IL1RAPL2: variants seen among roughly 807,000 people sequenced by gnomAD.
The protein encoded by IL1RAPL2 is interleukin 1 receptor accessory protein like 2, also known as X-linked interleukin-1 receptor accessory protein-like 2.
Under a neutral mutation model 44.1 loss-of-function variants are expected in IL1RAPL2, and 3 were observed. That is an observed-to-expected ratio of 0.07 (90% CI 0.03 to 0.18). The LOEUF is 0.18. Ranked by LOEUF, IL1RAPL2 falls within the 10% of genes least tolerant of loss-of-function variation. The probability of loss-of-function intolerance (pLI) is 1.00; values close to 1 mark genes in which losing one functional copy is unlikely to be tolerated. For synonymous variants in IL1RAPL2, 181 were observed against 178.8 expected, an observed-to-expected ratio of 1.01 and a Z score of -0.10; for missense variants, 391 against 496.4, an observed-to-expected ratio of 0.79 and a Z score of 2.02.
At chrX:105,267,921 T>A (rs1361261024) in intron 5 of IL1RAPL2, among the ~76,000 whole-genome samples, 1 of 111,781 alleles carries the variant, frequency 8.9e-6, no homozygotes, top group African/African-American at 3.2e-5. Flanking sequence ...TCTGTTAGAT[T>A]TTTGGAATGA....
intron 2 of IL1RAPL2, among the ~76,000 whole-genome samples, chrX:105,086,704 ATGTGTGTGTG>A (rs10536420): frequency 9.6e-6 from 1 of 104,313 alleles, no homozygotes; most frequent in South Asian, 4.3e-4. Flanking sequence ...TTGTATATAT[ATGTGTGTGTG>A]TGTGTGTGTG....
In IL1RAPL2 at chrX:104,963,503, G is replaced by T. The variant is rs886972407; in HGVS notation, c.83-231972G>T. 8.1e-5 allele frequency among the ~76,000 whole-genome samples: 9 copies of T among 111,636 alleles called. No individual in the cohort carries two copies. The East Asian group carries it at 2.5e-3, about 31-fold the overall frequency. The stretch of plus-strand genomic sequence containing the variant: ...GGCATTTCTCATTGACATTAATAGG[G>T]TCAATATCCTCACCTGTCACCACAA... On this transcript the variant is annotated intron_variant, in intron 2 of 10. Transcript: ENST00000372582.
chrX:105,743,110 A>G (rs180848473), intron 8 of IL1RAPL2, among the ~76,000 whole-genome samples: 1 of 111,602 alleles, frequency 9.0e-6, no homozygotes, highest in Non-Finnish European at 1.9e-5. Context: ...GATCATGGTA[A>G]CAGCCTAACT....
chrX:105,360,099 T>C (rs2035236840), intron 5 of IL1RAPL2, among the ~76,000 whole-genome samples: 1 of 111,148 alleles, frequency 9.0e-6, no homozygotes, highest in Non-Finnish European at 1.9e-5. Flanking sequence ...GCTATTACTA[T>C]ACTTAACTAT....
intron 6 of IL1RAPL2, among the ~76,000 whole-genome samples, chrX:105,711,880 CTG>C (rs1299216508): frequency 1.8e-5 from 2 of 112,206 alleles, no homozygotes; most frequent in Admixed American, 1.9e-4. Context: ...AATCTTAAAA[CTG>C]GAGAATAATT....
intron 2 of IL1RAPL2, among the ~76,000 whole-genome samples, chrX:104,826,936 T>G (rs1281601995): frequency 1.2e-5 from 1 of 82,740 alleles, no homozygotes; most frequent in Non-Finnish European, 2.4e-5. Context: ...TTGCAACCCC[T>G]GCTTTTTTTT....
chrX:105,016,525 G>C (rs931377723), intron 2 of IL1RAPL2, among the ~76,000 whole-genome samples: 1 of 111,141 alleles, frequency 9.0e-6, no homozygotes, highest in Admixed American at 9.6e-5. Context: ...TAGCATGAAG[G>C]GCTGTTGAAT....
chrX:105,117,946 G>A (rs1172051642), intron 2 of IL1RAPL2, among the ~76,000 whole-genome samples: 2 of 111,660 alleles, frequency 1.8e-5, no homozygotes, highest in East Asian at 5.6e-4. Flanking sequence ...ATATCATTTA[G>A]GTACATGAAG....
intron 2 of IL1RAPL2, among the ~76,000 whole-genome samples, chrX:104,666,997 C>A (rs1930497339): frequency 9.0e-6 from 1 of 111,289 alleles, no homozygotes; most frequent in South Asian, 3.9e-4. Context: ...GAGGCTTGCA[C>A]CAGGACTATT....
chrX:104,813,114 G>A (rs940808389), intron 2 of IL1RAPL2, among the ~76,000 whole-genome samples: 1 of 112,146 alleles, frequency 8.9e-6, no homozygotes, highest in Non-Finnish European at 1.9e-5. Context: ...TGTAAGTGAC[G>A]TACTGATTCA....
intron 2 of IL1RAPL2, among the ~76,000 whole-genome samples, chrX:104,901,072 G>A (rs1195043397): frequency 9.1e-6 from 1 of 110,470 alleles, no homozygotes; most frequent in Admixed American, 9.7e-5. Flanking sequence ...ACTTACTTTA[G>A]GTCCTTCTAT....
intron 2 of IL1RAPL2, among the ~76,000 whole-genome samples, chrX:104,834,280 G>A (rs1048270236): frequency 3.6e-5 from 4 of 111,882 alleles, no homozygotes; most frequent in African/African-American, 1.3e-4. Flanking sequence ...AAATTTTTGT[G>A]ATTTGATTGA....
At chrX:104,874,279 C>CCACTCTCTCTCTCTCTCT (rs1556004317) in intron 2 of IL1RAPL2, among the ~76,000 whole-genome samples, 1 of 76,321 alleles carries the variant, frequency 1.3e-5, no homozygotes, top group African/African-American at 5.1e-5. Flanking sequence ...TGTCTGTATT[C>CCACTCTCTCTCTCTCTCT]CTCTCTCTCT....
chrX:105,406,156 T>C, intron 5 of IL1RAPL2: 1 of 1,165,967 alleles, frequency 8.6e-7, no homozygotes, highest in African/African-American at 1.8e-5. Flanking sequence ...TAAAGACAAA[T>C]GGAGAAATCA....
chrX:104,603,960 A>C (rs1428411308), intron 1 of IL1RAPL2, among the ~76,000 whole-genome samples: 2 of 111,628 alleles, frequency 1.8e-5, no homozygotes, highest in Non-Finnish European at 3.8e-5. Context: ...AGAGAACACC[A>C]CAAAGATACT....
At chrX:105,681,601 T>C (rs2037926175) in intron 6 of IL1RAPL2, among the ~76,000 whole-genome samples, 1 of 111,197 alleles carries the variant, frequency 9.0e-6, no homozygotes, top group African/African-American at 3.3e-5. Flanking sequence ...CTACTAAAAA[T>C]ACAAAAATTA....
intron 8 of IL1RAPL2, among the ~76,000 whole-genome samples, chrX:105,743,486 C>T (rs1450102354): frequency 9.0e-6 from 1 of 111,702 alleles, no homozygotes; most frequent in Admixed American, 9.5e-5. Flanking sequence ...TCCTTCCCTT[C>T]ATACAGATTT....
chrX:104,872,590 T>A (rs1484595415), intron 2 of IL1RAPL2, among the ~76,000 whole-genome samples: 1 of 111,714 alleles, frequency 9.0e-6, no homozygotes, highest in Non-Finnish European at 1.9e-5. Context: ...TGCATCATGT[T>A]TGAATAGCTA....
intron 5 of IL1RAPL2, among the ~76,000 whole-genome samples, chrX:105,399,677 A>G (rs1236407427): frequency 2.7e-5 from 3 of 111,523 alleles, no homozygotes; most frequent in Non-Finnish European, 3.8e-5. Flanking sequence ...TAAGGCCTTC[A>G]TTAATCTGAT....
Sources: allele counts gnomAD v4.1 joint callset (sites outside exome capture counted in the v4.1 genomes callset), GRCh38; gene constraint gnomAD v4.1.1; transcripts MANE v1.5; gene names NCBI Gene and HGNC (gene_info 2026-07-23, HGNC 2026-07-21).